Variants in RIMS2 observed in about 807,000 individuals in gnomAD.
RIMS2 encodes the protein regulating synaptic membrane exocytosis 2, also known as regulating synaptic membrane exocytosis protein 2.
Under a neutral mutation model 174.4 loss-of-function variants are expected in RIMS2, and 59 were observed. The ratio of observed to expected loss-of-function variants is 0.34; its 90% CI spans 0.27 to 0.42. The LOEUF is 0.42. Ranked by LOEUF, RIMS2 falls within the 10% of genes least tolerant of loss-of-function variation. The pLI is 1.00. For synonymous variants in RIMS2, 606 were observed against 572.5 expected (o/e 1.06, Z -0.84); for missense variants, 1,620 against 1,666.3 (o/e 0.97, Z 0.48).
intron 19 of RIMS2, among the ~76,000 whole-genome samples, chr8:104,111,763 A>C (rs9297344): frequency 0.23 from 35,719 of 152,064 alleles, 4,502 homozygotes; most frequent in African/African-American, 0.33. Context: ...TGGCTTGGAA[A>C]CATTAGCTGT....
At chr8:104,001,648 T>C (rs2095393636) in intron 17 of RIMS2, among the ~76,000 whole-genome samples, 1 of 152,034 alleles carries the variant, frequency 6.6e-6, no homozygotes, top group Admixed American at 6.6e-5. Flanking sequence ...TCATTTGTTA[T>C]TTACTCTACT....
intron 19 of RIMS2, 117 bp from the exon 23 acceptor site, chr8:104,068,395 G>A: frequency 3.8e-6 from 2 of 523,706 alleles, no homozygotes; most frequent in Non-Finnish European, 6.8e-6. Flanking sequence ...ATTTGTACAT[G>A]CTACATTGAG....
intron 19 of RIMS2, among the ~76,000 whole-genome samples, chr8:104,082,247 G>A (rs916034357): frequency 6.6e-6 from 1 of 151,988 alleles, no homozygotes; most frequent in Non-Finnish European, 1.5e-5. Context: ...AAAGGAAGGA[G>A]AGAGGGAAAG....
chr8:104,130,504 T>C (rs1005003774), intron 19 of RIMS2, among the ~76,000 whole-genome samples: 2 of 152,120 alleles, frequency 1.3e-5, no homozygotes, highest in African/African-American at 2.4e-5. Flanking sequence ...TGGAAGAGGA[T>C]TGGGGGACCT....
At chr8:103,630,646 A>G (rs1371768402) in intron 1 of RIMS2, among the ~76,000 whole-genome samples, 1 of 151,898 alleles carries the variant, frequency 6.6e-6, no homozygotes, top group Non-Finnish European at 1.5e-5. Context: ...AAGATGTTGA[A>G]AGACTATGAT....
intron 3 of RIMS2, among the ~76,000 whole-genome samples, chr8:103,778,477 T>C (rs191206274): frequency 7.9e-5 from 12 of 152,272 alleles, no homozygotes; most frequent in African/African-American, 2.9e-4. Flanking sequence ...AGATCCACTT[T>C]TGTAGTTCCT....
At chr8:104,136,212 T>C (rs1238155853) in intron 19 of RIMS2, among the ~76,000 whole-genome samples, 1 of 152,174 alleles carries the variant, frequency 6.6e-6, no homozygotes, top group African/African-American at 2.4e-5. Context: ...CTATCTTATG[T>C]CTCTACTCTC....
chr8:104,193,884 C>A lies in RIMS2; in HGVS notation c.3335-51032C>A, dbSNP rs1426607335. Among the ~76,000 whole-genome samples the A allele has an allele frequency of 6.6e-5, 10 of 152,224 alleles. 1 individual carries two copies. In the East Asian group the frequency reaches 1.9e-3, roughly 29 times the overall value. ...CAAATATTTCTGATATTAATACCTT[C>A]TTTGAATCGAGACATTATAAAATCT... is the stretch of plus-strand genomic sequence containing the variant. On this transcript the variant is annotated intron_variant, in intron 19 of 23. Transcript: ENST00000504942.
At chr8:103,595,898 G>A (rs1410373731) in intron 1 of RIMS2, among the ~76,000 whole-genome samples, 1 of 151,874 alleles carries the variant, frequency 6.6e-6, no homozygotes, top group Non-Finnish European at 1.5e-5. Flanking sequence ...ACAGCGGGAG[G>A]TTTTTGTTCT....
chr8:103,595,069 G>T (rs138564969), intron 1 of RIMS2, among the ~76,000 whole-genome samples: 1 of 151,720 alleles, frequency 6.6e-6, no homozygotes, highest in Non-Finnish European at 1.5e-5. Flanking sequence ...GATGGTATAT[G>T]CTTCTATAGA....
intron 19 of RIMS2, among the ~76,000 whole-genome samples, chr8:104,042,158 CT>C (rs1438718630): frequency 6.6e-6 from 1 of 151,342 alleles, no homozygotes; most frequent in Admixed American, 6.6e-5. Context: ...GGTATGATTC[CT>C]TTCCCCTGGG....
chr8:104,174,372 A>G (rs2098857503), intron 19 of RIMS2, among the ~76,000 whole-genome samples: 1 of 151,832 alleles, frequency 6.6e-6, no homozygotes, highest in African/African-American at 2.4e-5. Flanking sequence ...TGGAGGTTAA[A>G]TGGCAAGCTG....
intron 19 of RIMS2, among the ~76,000 whole-genome samples, chr8:104,231,053 C>T (rs1448439613): frequency 6.6e-6 from 1 of 152,204 alleles, no homozygotes; most frequent in Admixed American, 6.5e-5. Context: ...TATTTTGCAA[C>T]TTCTGCCAAG....
chr8:104,171,449 G>A (rs1004522723), intron 19 of RIMS2, among the ~76,000 whole-genome samples: 1 of 151,506 alleles, frequency 6.6e-6, no homozygotes, highest in African/African-American at 2.4e-5. Flanking sequence ...ACTGCATTTT[G>A]TATTTCCCTA....
At chr8:103,506,641 A>T (rs138252896) in intron 1 of RIMS2, among the ~76,000 whole-genome samples, 3 of 152,190 alleles carry the variant, frequency 2.0e-5, no homozygotes, top group Admixed American at 6.5e-5. Flanking sequence ...GTTAACTGAC[A>T]TAGATAGCAC....
intron 15 of RIMS2, among the ~76,000 whole-genome samples, chr8:103,966,898 GT>G (rs1442172976): frequency 6.6e-6 from 1 of 151,522 alleles, no homozygotes; most frequent in Non-Finnish European, 1.5e-5. Context: ...ATATTATTGG[GT>G]TTTGCAGTTA....
intron 4 of RIMS2, among the ~76,000 whole-genome samples, chr8:103,897,447 A>G (rs2099292051): frequency 6.6e-6 from 1 of 151,706 alleles, no homozygotes; most frequent in Non-Finnish European, 1.5e-5. Context: ...TGAGGGAGAG[A>G]TGCCAATACA....
intron 1 of RIMS2, among the ~76,000 whole-genome samples, chr8:103,563,223 A>T (rs1017321815): frequency 1.3e-5 from 2 of 152,220 alleles, no homozygotes; most frequent in Admixed American, 6.5e-5. Context: ...TTTCTTTTCT[A>T]TCACATTATC....
rs2099111009 is a variant in RIMS2, at chr8:104,212,744, C to T, written c.3335-32172C>T. On this transcript the variant is annotated intron_variant, in intron 19 of 23. Transcript: ENST00000504942. Reference sequence around the variant, plus strand: ...CTAGGTTTTAAAAGGTCTTATAAACCACTTCAGTAATTTAGTGCTATTATA... The same window carrying T: ...CTAGGTTTTAAAAGGTCTTATAAACTACTTCAGTAATTTAGTGCTATTATA... Among the ~76,000 whole-genome samples the T allele has an allele frequency of 4.6e-5, 7 of 152,196 alleles. No homozygotes were observed. The South Asian group carries it at 1.5e-3, about 32-fold the overall frequency.
Sources: gnomAD v4.1 joint callset for allele counts (sites outside exome capture counted in the v4.1 genomes callset) on GRCh38, gnomAD v4.1.1 for gene constraint, MANE v1.5 for transcripts, NCBI Gene and HGNC (gene_info 2026-07-23, HGNC 2026-07-21) for gene names.